The following NEMP2 variants were observed in gnomAD, a reference collection of about 807,000 sequenced individuals.
NEMP2 encodes nuclear envelope integral membrane protein 2, also known as UPF0571 transmembrane protein.
NEMP2 carries 53 observed loss-of-function variants against 54.2 expected under a neutral mutation model. That is an observed-to-expected ratio of 0.98 (90% CI 0.78 to 1.23). The LOEUF (loss-of-function observed/expected upper bound fraction) is 1.23, where lower values mean the gene tolerates loss of function less well. Ranked by LOEUF, NEMP2 falls within the 50% of genes most tolerant of loss-of-function variation. The probability of loss-of-function intolerance (pLI) is 0.00; values close to 1 mark genes in which losing one functional copy is unlikely to be tolerated. For synonymous variants in NEMP2, 197 were observed against 190.3 expected (o/e 1.04, Z -0.29); for missense variants, 455 against 511.3 (o/e 0.89, Z 1.06).
chr2:190,549,676 CTCT>C, the NEMP2 span, among the ~76,000 whole-genome samples: 3 of 151,888 alleles, frequency 2.0e-5, no homozygotes, highest in Admixed American at 6.6e-5. Context: ...CAATAGGATT[CTCT>C]TCAAGTTGGC....
the NEMP2 span, among the ~76,000 whole-genome samples, chr2:190,473,746 C>G: frequency 6.6e-6 from 1 of 152,204 alleles, no homozygotes; most frequent in Non-Finnish European, 1.5e-5. Flanking sequence ...GAACTCTCCA[C>G]CCCAAATCAA....
chr2:190,452,964 C>T, the NEMP2 span, among the ~76,000 whole-genome samples: 7 of 152,148 alleles, frequency 4.6e-5, no homozygotes, highest in Non-Finnish European at 1.0e-4. Context: ...TTCAATATTT[C>T]TTTAAAGGAG....
the NEMP2 span, among the ~76,000 whole-genome samples, chr2:190,592,978 G>C: frequency 1.7e-4 from 26 of 151,980 alleles, no homozygotes; most frequent in African/African-American, 6.3e-4. The surrounding 1 kb of genome is among the most constrained non-coding windows in gnomAD (Gnocchi z 4.4). Context: ...CAGAGTTCAC[G>C]ATCAGACTGT....
At chr2:190,619,210 G>A in the NEMP2 span, among the ~76,000 whole-genome samples, 1 of 151,798 alleles carries the variant, frequency 6.6e-6, no homozygotes, top group Non-Finnish European at 1.5e-5. The surrounding 1 kb of genome is among the most constrained non-coding windows in gnomAD (Gnocchi z 5.5). Context: ...GAGATTTCGT[G>A]TCTACTAAAA....
chr2:190,470,988 T>C, the NEMP2 span, among the ~76,000 whole-genome samples: 1 of 152,244 alleles, frequency 6.6e-6, no homozygotes, highest in East Asian at 1.9e-4. Context: ...TACAAATATA[T>C]AGAAAATGGA....
At chr2:190,491,233 G>A in the NEMP2 span, among the ~76,000 whole-genome samples, 1 of 152,326 alleles carries the variant, frequency 6.6e-6, no homozygotes, top group East Asian at 1.9e-4. The surrounding 1 kb of genome is among the most constrained non-coding windows in gnomAD (Gnocchi z 4.2). Flanking sequence ...GTGTTCTGGA[G>A]AGACTGTTAT....
chr2:190,520,468 G>A lies in NEMP2; in HGVS notation c.214-1285C>T, dbSNP rs762754856. Reference sequence around the variant, plus strand: ...TAAGAGTAGGGCAACCCTGAAAAGGGGAGTAAGAGCACCAGCTTTGAATCT... The same window carrying A: ...TAAGAGTAGGGCAACCCTGAAAAGGAGAGTAAGAGCACCAGCTTTGAATCT... On this transcript the variant is annotated intron_variant, in intron 2 of 8. Transcript: ENST00000409150. This position sits in a 1 kb window ranked among gnomAD's most constrained non-coding sequence, Gnocchi z 5.4. 2.6e-5 allele frequency among the ~76,000 whole-genome samples: 4 copies of A among 152,160 alleles called. No individual in the cohort carries two copies. Among genetic ancestry groups the A allele is most frequent in the Admixed American group, 6.5e-5 (1 of 15,278 alleles).
the NEMP2 span, among the ~76,000 whole-genome samples, chr2:190,448,671 G>A: frequency 6.6e-6 from 1 of 152,136 alleles, no homozygotes; most frequent in South Asian, 2.1e-4. Context: ...AATTTGTAGA[G>A]GAATAATACA....
At chr2:190,480,464 T>C in the NEMP2 span, among the ~76,000 whole-genome samples, 1 of 152,186 alleles carries the variant, frequency 6.6e-6, no homozygotes, top group African/African-American at 2.4e-5. Context: ...TGAAGAAAAT[T>C]TGAAAATTAA....
chr2:190,594,947 G>A, the NEMP2 span, among the ~76,000 whole-genome samples: 1 of 152,258 alleles, frequency 6.6e-6, no homozygotes. This position sits in a 1 kb window ranked among gnomAD's most constrained non-coding sequence, Gnocchi z 5.6. Flanking sequence ...ATCTTGGTAA[G>A]TATTTATATA....
chr2:190,617,567 G>T, the NEMP2 span, among the ~76,000 whole-genome samples: 1 of 152,110 alleles, frequency 6.6e-6, no homozygotes, highest in Admixed American at 6.6e-5. The surrounding 1 kb of genome is among the most constrained non-coding windows in gnomAD (Gnocchi z 5.0). Flanking sequence ...GATTTTGCCT[G>T]CAGAGAGTTT....
chr2:190,532,341 T>C (rs1173853783), intron 1 of NEMP2, among the ~76,000 whole-genome samples: 2 of 152,228 alleles, frequency 1.3e-5, no homozygotes, highest in African/African-American at 2.4e-5. Context: ...TATATACTCA[T>C]GCACACTCAG....
At chr2:190,446,240 T>C in the NEMP2 span, among the ~76,000 whole-genome samples, 1 of 152,176 alleles carries the variant, frequency 6.6e-6, no homozygotes, top group Non-Finnish European at 1.5e-5. Flanking sequence ...CATAGAATTA[T>C]TACAAACTCT....
At chr2:190,630,305 C>T in the NEMP2 span, among the ~76,000 whole-genome samples, 2 of 152,108 alleles carry the variant, frequency 1.3e-5, no homozygotes, top group Middle Eastern at 3.2e-3. This position sits in a 1 kb window ranked among gnomAD's most constrained non-coding sequence, Gnocchi z 5.5. Flanking sequence ...GCAACTTCTG[C>T]CTCCTGGGTT....
the NEMP2 span, among the ~76,000 whole-genome samples, chr2:190,449,758 G>C: frequency 1.3e-5 from 2 of 151,900 alleles, no homozygotes; most frequent in South Asian, 2.1e-4. Flanking sequence ...GTAAACTATC[G>C]CAAGAACAAA....
At chr2:190,617,508 T>C in the NEMP2 span, among the ~76,000 whole-genome samples, 3 of 152,168 alleles carry the variant, frequency 2.0e-5, no homozygotes, top group African/African-American at 7.2e-5. This position sits in a 1 kb window ranked among gnomAD's most constrained non-coding sequence, Gnocchi z 5.0. Flanking sequence ...CTGCCCAAAA[T>C]TAAATTACTC....
In NEMP2 at chr2:190,507,192, A is replaced by G. The variant is rs994583952; in HGVS notation, c.*1997T>C. The G allele has an allele frequency of 2.6e-5, 4 of 152,348 alleles. No individual in the cohort carries two copies. Among genetic ancestry groups the G allele is most frequent in the African/African-American group, 9.6e-5 (4 of 41,584 alleles). The allele number at this position is 152,348 out of a possible 1,614,324, so 9.4% of individuals were successfully genotyped here. A position where few individuals can be genotyped will look rare whatever the true frequency, so the allele number is the denominator to read the frequency against. On this transcript the variant is annotated 3_prime_UTR_variant, in exon 9 of 9. Transcript: ENST00000409150. The surrounding 1 kb of genome is among the most constrained non-coding windows in gnomAD (Gnocchi z 4.4). Reference sequence around the variant, plus strand: ...TCACAAAGCAGAAACTGACAAACCTATGATTTCCTCTAAAAATAAACATGG... The same window carrying G: ...TCACAAAGCAGAAACTGACAAACCTGTGATTTCCTCTAAAAATAAACATGG...
At chr2:190,481,078 G>A in the NEMP2 span, among the ~76,000 whole-genome samples, 3 of 152,168 alleles carry the variant, frequency 2.0e-5, no homozygotes. Context: ...ATCTTTATTG[G>A]CTGATAGAAA....
the NEMP2 span, among the ~76,000 whole-genome samples, chr2:190,645,289 C>A: frequency 6.6e-6 from 1 of 152,144 alleles, no homozygotes; most frequent in Non-Finnish European, 1.5e-5. Context: ...TCTCATACCA[C>A]TTTCCAAATG....
Sources: gnomAD v4.1 joint callset for allele counts (sites outside exome capture counted in the v4.1 genomes callset) on GRCh38, gnomAD v4.1.1 for gene constraint, Gnocchi (gnomAD v3.1) non-coding constraint, MANE v1.5 for transcripts, NCBI Gene and HGNC (gene_info 2026-07-23, HGNC 2026-07-21) for gene names.